Variants in C1QTNF7 observed in about 807,000 individuals in gnomAD.
C1QTNF7 encodes the protein C1q and TNF related 7.
Under a neutral mutation model 19.6 loss-of-function variants are expected in C1QTNF7, and 15 were observed. That is an observed-to-expected ratio of 0.76 (90% CI 0.51 to 1.18). C1QTNF7 has a LOEUF of 1.18. C1QTNF7 is among the 50% of genes most tolerant of loss of function. The probability of loss-of-function intolerance (pLI) is 0.00; values close to 1 mark genes in which losing one functional copy is unlikely to be tolerated. For synonymous variants in C1QTNF7, 142 were observed against 137.5 expected, an observed-to-expected ratio of 1.03 and a Z score of -0.23; for missense variants, 324 against 359.7, an observed-to-expected ratio of 0.90 and a Z score of 0.80.
At chr4:15,386,518 ACACGTG>A (rs2108895284) in intron 1 of C1QTNF7, among the ~76,000 whole-genome samples, 1 of 89,212 alleles carries the variant, frequency 1.1e-5, no homozygotes, top group South Asian at 3.1e-4. Flanking sequence ...AATACATAAA[ACACGTG>A]TACCTTAGAT....
Position 15,415,620 on chromosome 4 carries a change from C to CAT in C1QTNF7, c.14-20099_14-20098dup, listed in dbSNP as rs35377968. Among the ~76,000 whole-genome samples the CAT allele has an allele frequency of 5.4e-3, 793 of 146,716 alleles. 4 individuals are homozygous for CAT. The highest frequency in any genetic ancestry group is 0.014 in the Middle Eastern group (4 of 282). On this transcript the variant is annotated intron_variant, in intron 1 of 2. Transcript: ENST00000295297. ...GGCCTTCTCTTTTTTTTATTTGATGCATATATATATATATATATTAGAGAT... is the reference window on the plus strand; with the variant it reads ...GGCCTTCTCTTTTTTTTATTTGATGCATATATATATATATATATATTAGAGAT...
At position 15,445,103 on chromosome 4, in the gene C1QTNF7, A is replaced by C. The variant is rs1712942836; in HGVS notation, c.*2304A>C. 1 of 152,292 alleles carries C rather than the reference A, an allele frequency of 6.6e-6. No homozygotes were observed. The highest frequency in any genetic ancestry group is 6.5e-5 in the Admixed American group (1 of 15,292). 9.4% of individuals were successfully genotyped at this position (152,292 alleles called of 1,614,324 possible). On this transcript the variant is annotated 3_prime_UTR_variant, in exon 3 of 3. Coordinates refer to ENST00000444304, the MANE Select transcript of C1QTNF7 (RefSeq NM_031911.5). ...CTTTCATTGTCTTCATCTTCCTGCC[A>C]TACTTTGTGCACTTATTGCTCTCCT...
intron 1 of C1QTNF7, chr4:15,374,174 C>T (rs1359049486): frequency 1.3e-5 from 2 of 152,202 alleles, no homozygotes; most frequent in African/African-American, 4.8e-5. Context: ...CCTGTCCTTC[C>T]ACTAACTAGC....
chr4:15,391,633 A>AG (rs1718561003), intron 1 of C1QTNF7, among the ~76,000 whole-genome samples: 1 of 152,176 alleles, frequency 6.6e-6, no homozygotes, highest in Non-Finnish European at 1.5e-5. Flanking sequence ...CTATCTCCAA[A>AG]GGGGGAGTAA....
chr4:15,389,600 G>A (rs1328379666), intron 1 of C1QTNF7, among the ~76,000 whole-genome samples: 1 of 152,028 alleles, frequency 6.6e-6, no homozygotes, highest in Non-Finnish European at 1.5e-5. Context: ...TGTATTTTTA[G>A]TAGAGACAGG....
intron 1 of C1QTNF7, among the ~76,000 whole-genome samples, chr4:15,412,808 G>A (rs1199742850): frequency 6.6e-6 from 1 of 152,182 alleles, no homozygotes; most frequent in Non-Finnish European, 1.5e-5. Flanking sequence ...TTTTACAGAA[G>A]GCAAAACTGT....
At chr4:15,394,132 G>A (rs190099264) in intron 1 of C1QTNF7, among the ~76,000 whole-genome samples, 4 of 152,304 alleles carry the variant, frequency 2.6e-5, no homozygotes, top group South Asian at 4.1e-4. Context: ...CCAGGCTGAA[G>A]GAAAGTCCCA....
At chr4:15,342,078 T>C (rs921527268) in intron 1 of C1QTNF7, among the ~76,000 whole-genome samples, 1 of 152,148 alleles carries the variant, frequency 6.6e-6, no homozygotes, top group Non-Finnish European at 1.5e-5. Context: ...GCGCAGTCAC[T>C]GGGGGGCTTT....
At chr4:15,361,549 A>C (rs746377403) in intron 1 of C1QTNF7, among the ~76,000 whole-genome samples, 1 of 152,112 alleles carries the variant, frequency 6.6e-6, no homozygotes, top group Non-Finnish European at 1.5e-5. Flanking sequence ...AGAAGGTCCA[A>C]ATGATTCCAG....
intron 1 of C1QTNF7, among the ~76,000 whole-genome samples, chr4:15,421,286 AC>A: frequency 6.6e-6 from 1 of 152,156 alleles, no homozygotes; most frequent in Non-Finnish European, 1.5e-5. Context: ...ACATAATGTC[AC>A]AAAGACACTC....
In C1QTNF7 at chr4:15,435,916, T is replaced by A. The variant is rs748808373; in HGVS notation, c.173T>A (p.Ile58Asn). Reference protein sequence around the residue: ...ANGSPGPHGRIGLPGRDGRDG... With the variant: ...ANGSPGPHGRNGLPGRDGRDG... The stretch of plus-strand genomic sequence containing the variant: ...GGTTCCCCTGGGCCCCATGGTCGCA[T>A]CGGCCTTCCAGGAAGAGATGGTAGA... Residue 58 changes from isoleucine (I) to asparagine (N), a missense_variant, in exon 2 of 3, where the codon ATC becomes AAC. Physicochemically the swap from Ile to Asn is moderately radical, Grantham distance 149. Coordinates refer to ENST00000444304, the MANE Select transcript of C1QTNF7 (RefSeq NM_031911.5). 34 of 1,613,866 alleles carry A rather than the reference T, an allele frequency of 2.1e-5. No individual in the cohort carries two copies. The highest frequency in any genetic ancestry group is 2.9e-5 in the Non-Finnish European group (34 of 1,179,970).
chr4:15,351,367 A>G (rs1716929968), intron 1 of C1QTNF7, among the ~76,000 whole-genome samples: 2 of 152,162 alleles, frequency 1.3e-5, no homozygotes, highest in Admixed American at 1.3e-4. Flanking sequence ...CACCATAGTA[A>G]CAACTAAAAC....
chr4:15,431,270 C>G (rs1577280104), intron 1 of C1QTNF7, among the ~76,000 whole-genome samples: 1 of 152,152 alleles, frequency 6.6e-6, no homozygotes, highest in Middle Eastern at 3.4e-3. Flanking sequence ...AATACAGAAG[C>G]TATAAATACT....
Position 15,435,720 on chromosome 4 carries a change from T to C in C1QTNF7, c.-8-16T>C. 1.1e-5 allele frequency: 18 copies of C among 1,613,924 alleles called. No individual in the cohort carries two copies. Among genetic ancestry groups the C allele is most frequent in the Non-Finnish European group, 1.2e-5 (14 of 1,179,844 alleles). ...AACACAGAAAGTTCATTTACGTCTG[T>C]GTGTTTCTCTTCCAGAGCCAAAGAT... On this transcript the variant is annotated splice_polypyrimidine_tract_variant and intron_variant, in intron 1 of 2. Coordinates refer to ENST00000444304, the MANE Select transcript of C1QTNF7 (RefSeq NM_031911.5).
At position 15,443,472 on chromosome 4, in the gene C1QTNF7, T is replaced by C. The variant is rs990097357; in HGVS notation, c.*673T>C. The C allele has an allele frequency of 6.6e-6, 1 of 152,184 alleles. No homozygotes were observed. 9.4% of individuals were successfully genotyped at this position (152,184 alleles called of 1,614,324 possible). Reference sequence around the variant, plus strand: ...TGAGCAGCATAGCAAACAGATGGATTTGAAGCTAAAAGCACACAGGGTCTG... The same window carrying C: ...TGAGCAGCATAGCAAACAGATGGATCTGAAGCTAAAAGCACACAGGGTCTG... On this transcript the variant is annotated 3_prime_UTR_variant, in exon 3 of 3. Coordinates refer to ENST00000444304, the MANE Select transcript of C1QTNF7 (RefSeq NM_031911.5).
In C1QTNF7 at chr4:15,377,855, G is replaced by A. The variant is rs142640211; in HGVS notation, c.13+37648G>A. Among the ~76,000 whole-genome samples the A allele has an allele frequency of 5.5e-3, 833 of 152,136 alleles. 10 individuals carry two copies. The highest frequency in any genetic ancestry group is 0.019 in the African/African-American group (796 of 41,500). ...TAACACACATAAACAACTTAGCACC[G>A]CAACTAGCATAATAGATACCTAAGA... On this transcript the variant is annotated intron_variant, in intron 1 of 2. Transcript: ENST00000295297.
At chr4:15,355,806 C>T (rs371886331) in intron 1 of C1QTNF7, among the ~76,000 whole-genome samples, 4 of 152,190 alleles carry the variant, frequency 2.6e-5, no homozygotes, top group African/African-American at 9.6e-5. Flanking sequence ...TAACAAAAAC[C>T]CTTTGCCCAG....
chr4:15,375,280 T>C (rs16891806), intron 1 of C1QTNF7, among the ~76,000 whole-genome samples: 3,106 of 152,240 alleles, frequency 0.02, 101 homozygotes, highest in African/African-American at 0.07. Flanking sequence ...TGGCATAAAT[T>C]CTGTGTTCAA....
In C1QTNF7 at chr4:15,421,766, C is replaced by A. The variant is rs536845490; in HGVS notation, c.14-13970C>A. On this transcript the variant is annotated intron_variant, in intron 1 of 2. Transcript: ENST00000295297. ...AATAATACCTACTTCGCTAAGTGGT[C>A]AGGACTCACTGTAGGTAGCACATAG... Among the ~76,000 whole-genome samples the A allele has an allele frequency of 5.1e-4, 77 of 152,180 alleles. 1 individual carries two copies. Among genetic ancestry groups the A allele is most frequent in the African/African-American group, 1.7e-3 (72 of 41,530 alleles).
Sources: allele counts gnomAD v4.1 joint callset (sites outside exome capture counted in the v4.1 genomes callset), GRCh38; gene constraint gnomAD v4.1.1; transcripts MANE v1.5; gene names NCBI Gene and HGNC (gene_info 2026-07-23, HGNC 2026-07-21).